Variants in DENND6A observed in about 807,000 individuals in gnomAD.
DENND6A encodes DENN domain containing 6A, also known as protein DENND6A.
A neutral mutation model predicts 95.5 loss-of-function variants in DENND6A; 43 were observed. The observed-to-expected ratio is 0.45, with a 90% CI of 0.35 to 0.58. DENND6A has a LOEUF of 0.58. Among genes scored for constraint, DENND6A ranks in the 20% least tolerant of loss-of-function variants. The pLI, the probability that DENND6A is intolerant of heterozygous loss-of-function variation, is 0.00. For missense variants in DENND6A, 574 were observed against 736.0 expected (o/e 0.78, Z 2.55); for synonymous variants, 257 against 260.4 (o/e 0.99, Z 0.13).
chr3:57,628,742 C>A, intron 19 of DENND6A, 69 bp downstream of exon 19: 1 of 1,496,028 alleles, frequency 6.7e-7, no homozygotes, highest in South Asian at 1.2e-5. Flanking sequence ...CATGGGTTGT[C>A]AGCTCACATG....
intron 18 of DENND6A, 124 bp from the exon 19 acceptor site, chr3:57,629,009 A>G: frequency 1.4e-6 from 1 of 728,050 alleles, no homozygotes; most frequent in Non-Finnish European, 2.2e-6. Flanking sequence ...TATTTAACCC[A>G]GATATAGCAT....
chr3:57,684,620 C>CA (rs1330669520), intron 1 of DENND6A, among the ~76,000 whole-genome samples: 1 of 151,396 alleles, frequency 6.6e-6, no homozygotes, highest in Non-Finnish European at 1.5e-5. Context: ...CCTGTTTCTA[C>CA]AAAAAAACAA....
intron 5 of DENND6A, 57 bp from the exon 6 acceptor site, chr3:57,661,608 T>C: frequency 7.4e-7 from 1 of 1,347,042 alleles, no homozygotes; most frequent in Non-Finnish European, 1.0e-6. Flanking sequence ...ATTTCTTGCA[T>C]AATCAATTAC....
chr3:57,657,770 C>T (rs1271154583), intron 8 of DENND6A, 35 bp from the exon 9 acceptor site: 2 of 1,423,020 alleles, frequency 1.4e-6, no homozygotes, highest in African/African-American at 1.4e-5. Context: ...AAGAAGGTAT[C>T]ACCAAAATTT....
intron 1 of DENND6A, among the ~76,000 whole-genome samples, chr3:57,676,946 C>T (rs2071719404): frequency 6.6e-6 from 1 of 152,186 alleles, no homozygotes; most frequent in Non-Finnish European, 1.5e-5. Context: ...GCCTCAGCCA[C>T]CCAAGTAGCT....
In DENND6A at chr3:57,646,450, T is replaced by G. The variant is rs2071081991; in HGVS notation, c.819-12A>C. The G allele has an allele frequency of 6.2e-7, 1 of 1,600,584 alleles. No individual in the cohort carries two copies. Among genetic ancestry groups the G allele is most frequent in the South Asian group, 1.1e-5 (1 of 88,410 alleles). On this transcript the variant is annotated splice_polypyrimidine_tract_variant and intron_variant, in intron 9 of 19. Transcript: ENST00000311128. ...CTGGGCAGAAACACCTGAAAGGTGA[T>G]GCACAGTAGAAATACTTTTTAATGT...
intron 3 of DENND6A, among the ~76,000 whole-genome samples, chr3:57,670,702 T>TG (rs1432954331): frequency 1.3e-5 from 2 of 152,148 alleles, no homozygotes; most frequent in Non-Finnish European, 2.9e-5. Flanking sequence ...GTGGTATATT[T>TG]GGGGGTGGTA....
At chr3:57,669,382 T>A (rs559739929) in intron 3 of DENND6A, among the ~76,000 whole-genome samples, 1 of 152,078 alleles carries the variant, frequency 6.6e-6, no homozygotes, top group Non-Finnish European at 1.5e-5. Context: ...ACACTTCATT[T>A]GATGTGCAGC....
At chr3:57,659,008 AAT>A in intron 8 of DENND6A, 108 bp downstream of exon 8, 5 of 935,740 alleles carry the variant, frequency 5.3e-6, no homozygotes, top group Non-Finnish European at 8.2e-6. Flanking sequence ...ACATTTCAGT[AAT>A]ATTCAGAAAT....
At chr3:57,663,203 A>AC (rs2071459698) in intron 5 of DENND6A, among the ~76,000 whole-genome samples, 1 of 149,658 alleles carries the variant, frequency 6.7e-6, no homozygotes, top group Non-Finnish European at 1.5e-5. Flanking sequence ...GCAGTAGCTC[A>AC]CACCTGTAAT....
Position 57,628,050 on chromosome 3 carries a change from C to T in DENND6A, c.*164G>A. 2.1e-6 allele frequency: 2 copies of T among 948,098 alleles called. No homozygotes were observed. Among genetic ancestry groups the T allele is most frequent in the Non-Finnish European group, 3.0e-6 (2 of 671,234 alleles). 58.7% of individuals were successfully genotyped at this position (948,098 alleles called of 1,614,324 possible). On this transcript the variant is annotated 3_prime_UTR_variant, in exon 20 of 20. Transcript: ENST00000311128. ...GATATCCACTTTAAAAAGTAATGCACTAAAAAGGTCTGTTTATACAATACA... is the reference window on the plus strand; with the variant it reads ...GATATCCACTTTAAAAAGTAATGCATTAAAAAGGTCTGTTTATACAATACA...
intron 12 of DENND6A, among the ~76,000 whole-genome samples, chr3:57,637,060 T>C (rs936111974): frequency 6.6e-6 from 1 of 150,902 alleles, no homozygotes; most frequent in Non-Finnish European, 1.5e-5. Flanking sequence ...AGGACAATAA[T>C]AGCCACCATT....
At position 57,646,382 on chromosome 3, in the gene DENND6A, C is replaced by T. The variant is rs2071080790; in HGVS notation, c.875G>A (p.Gly292Glu). 6.2e-7 allele frequency: 1 copy of T among 1,613,966 alleles called. No homozygotes were observed. Among genetic ancestry groups the T allele is most frequent in the Admixed American group, 1.7e-5 (1 of 60,008 alleles). The change falls in exon 10 of 20, where the codon GGG becomes GAG. Residue 292 changes from glycine (G) to glutamate (E), a missense_variant. Gly to Glu is a moderately conservative substitution (Grantham distance 98, BLOSUM62 -2). Coordinates refer to ENST00000311128, the MANE Select transcript of DENND6A (RefSeq NM_152678.3). ...SQMLWELVLL[G>E]EPLVVMAPSP... is the part of the protein sequence containing the mutation. The stretch of plus-strand genomic sequence containing the variant: ...TGGCGCCATAACCACAAGGGGCTCC[C>T]CCAACAGCACCAGCTCCCAGAGCAT...
At chr3:57,670,019 C>CAAAGAAAAA (rs2071589647) in intron 3 of DENND6A, among the ~76,000 whole-genome samples, 1 of 57,778 alleles carries the variant, frequency 1.7e-5, no homozygotes, top group Admixed American at 2.1e-4. Context: ...AACTCCATCT[C>CAAAGAAAAA]AAAAAAAAAA....
At position 57,693,065 on chromosome 3, in the gene DENND6A, G is replaced by C. The variant is rs111953604; in HGVS notation, c.-47C>G. ...CGCCGCCTCCACAGCGGACCGCGCC[G>C]CAGAGCGCGCTTGCCTCCGCGCAGG... On this transcript the variant is annotated 5_prime_UTR_variant, in exon 1 of 20. Coordinates refer to ENST00000311128, the MANE Select transcript of DENND6A (RefSeq NM_152678.3). 4 of 1,335,524 alleles carry C rather than the reference G, an allele frequency of 3.0e-6. No homozygotes were observed. Among genetic ancestry groups the C allele is most frequent in the Non-Finnish European group, 3.8e-6 (4 of 1,045,192 alleles). 82.7% of individuals were successfully genotyped at this position (1,335,524 alleles called of 1,614,324 possible).
intron 1 of DENND6A, among the ~76,000 whole-genome samples, chr3:57,688,150 C>T (rs765975787): frequency 1.3e-5 from 2 of 151,848 alleles, no homozygotes; most frequent in Non-Finnish European, 2.9e-5. Context: ...AATGTGCCAC[C>T]AAGCTGCCTA....
chr3:57,665,579 G>A (rs1158269917), intron 4 of DENND6A, among the ~76,000 whole-genome samples: 14 of 152,054 alleles, frequency 9.2e-5, no homozygotes. Flanking sequence ...TGGAACCAGG[G>A]AGGTAAACTG....
intron 9 of DENND6A, among the ~76,000 whole-genome samples, chr3:57,651,814 G>A (rs1173369555): frequency 1.3e-5 from 2 of 152,036 alleles, no homozygotes; most frequent in Admixed American, 6.6e-5. Context: ...GGCTAAACTG[G>A]GACAATTTGA....
In DENND6A at chr3:57,654,896, T is replaced by C. The variant is rs931766697; in HGVS notation, c.818+2784A>G. The C allele has an allele frequency of 1.0e-5, 7 of 672,538 alleles. No homozygotes were observed. In the African/African-American group the frequency reaches 1.4e-4, roughly 13 times the overall value. 41.7% of individuals were successfully genotyped at this position (672,538 alleles called of 1,614,324 possible). A position where few individuals can be genotyped will look rare whatever the true frequency, so the allele number is the denominator to read the frequency against. ...TTCATTCACACTAATAAACGTGAAA[T>C]GTAAGCTCTACAGAAACAAAAAGCA... is the stretch of plus-strand genomic sequence containing the variant. On this transcript the variant is annotated intron_variant, in intron 9 of 19. Coordinates refer to ENST00000311128, the MANE Select transcript of DENND6A (RefSeq NM_152678.3).
Sources: allele counts gnomAD v4.1 joint callset (sites outside exome capture counted in the v4.1 genomes callset), GRCh38; gene constraint gnomAD v4.1.1; transcripts MANE v1.5; gene names NCBI Gene and HGNC (gene_info 2026-07-23, HGNC 2026-07-21).